Variants in ZNF397 observed in about 807,000 individuals in gnomAD.
ZNF397 encodes zinc finger and SCAN domain-containing protein 15.
A neutral mutation model predicts 50.6 loss-of-function variants in ZNF397; 38 were observed. The ratio of observed to expected loss-of-function variants is 0.75; its 90% CI spans 0.58 to 0.98. The LOEUF (loss-of-function observed/expected upper bound fraction) is 0.98. ZNF397 is among the 50% of genes least tolerant of loss of function. The probability of loss-of-function intolerance (pLI) is 0.00; values close to 1 mark genes in which losing one functional copy is unlikely to be tolerated. For missense variants in ZNF397, 624 were observed against 624.1 expected, an observed-to-expected ratio of 1.00 and a Z score of 0.00; for synonymous variants, 228 against 215.2, an observed-to-expected ratio of 1.06 and a Z score of -0.52.
chr18:35,243,303 G>A lies in ZNF397; in HGVS notation c.556+10G>A, dbSNP rs1339582104. ...CTTTCCCCTAAAAGTGGTGAGGAAT[G>A]GGAAATCATCTGGAAACTCTTGACA... is the stretch of plus-strand genomic sequence containing the variant. On this transcript the variant is annotated intron_variant, in intron 3 of 3. Transcript: ENST00000330501. 4 of 1,614,066 alleles carry A rather than the reference G, an allele frequency of 2.5e-6. No individual in the cohort carries two copies. Among genetic ancestry groups the A allele is most frequent in the East Asian group, 4.5e-5 (2 of 44,896 alleles).
Position 35,246,477 on chromosome 18 carries a change from A to G in ZNF397, c.*167A>G. 7.1e-7 allele frequency: 1 copy of G among 1,414,320 alleles called. No individual in the cohort carries two copies. The highest frequency in any genetic ancestry group is 9.2e-7 in the Non-Finnish European group (1 of 1,087,990). The allele number at this position is 1,414,320 out of a possible 1,614,324, so 87.6% of individuals were successfully genotyped here. ...AGTGCTAATGTAAAGTGTCCCTTGA[A>G]AGCTTTTCCTGTGACTAATCAGAAC... On this transcript the variant is annotated 3_prime_UTR_variant, in exon 4 of 4. Transcript: ENST00000330501.
chr18:35,250,056 G>A (rs1482959133), downstream of ZNF397, among the ~76,000 whole-genome samples: 1 of 152,130 alleles, frequency 6.6e-6, no homozygotes, highest in East Asian at 1.9e-4. Flanking sequence ...TTCATCACTG[G>A]TAAAATGACA....
At position 35,245,860 on chromosome 18, in the gene ZNF397, T is replaced by C. The variant is rs1196932983; in HGVS notation, c.1155T>C (p.Ile385=). 1 of 1,554,332 alleles carries C rather than the reference T, an allele frequency of 6.4e-7. No homozygotes were observed. Among genetic ancestry groups the C allele is most frequent in the Non-Finnish European group, 8.7e-7 (1 of 1,148,530 alleles). The part of the protein sequence containing the change: ...GKAFSQSSYL[I]IHQRIHTGEK... ...CATTCAGTCAAAGTTCATATCTCAT[T>C]ATACATCAAAGAATTCACACTGGTG... The change falls in exon 4 of 4, where the codon ATT becomes ATC. Residue 385 remains isoleucine (I), a synonymous_variant. Transcript: ENST00000330501.
chr18:35,248,102 A>G lies in ZNF397; in HGVS notation c.*1792A>G, dbSNP rs1448704681. Reference sequence around the variant, plus strand: ...AATATTTAGACTGATGCTTAGTGTAAGAAGGAATGTTGTACAGGTTAACCA... The same window carrying G: ...AATATTTAGACTGATGCTTAGTGTAGGAAGGAATGTTGTACAGGTTAACCA... On this transcript the variant is annotated 3_prime_UTR_variant, in exon 4 of 4. Transcript: ENST00000330501. The G allele has an allele frequency of 6.6e-6, 1 of 152,248 alleles. No individual in the cohort carries two copies. The highest frequency in any genetic ancestry group is 1.9e-4 in the East Asian group (1 of 5,200). The allele number at this position is 152,248 out of a possible 1,614,324, so 9.4% of individuals were successfully genotyped here.
chr18:35,253,397 C>T, downstream of ZNF397: 1 of 1,465,354 alleles, frequency 6.8e-7, no homozygotes, highest in East Asian at 2.3e-5. Flanking sequence ...TGGAGTCTCA[C>T]CCCTACAGTG....
At chr18:35,252,250 T>C (rs185977493), downstream of ZNF397, 11 of 152,310 alleles carry the variant, frequency 7.2e-5, no homozygotes, top group Non-Finnish European at 1.3e-4. Flanking sequence ...GACTGGTGCA[T>C]TTTATGGGAA....
Position 35,242,510 on chromosome 18 carries a change from C to T in ZNF397, c.40C>T (p.Gln14Ter). 1 of 1,614,098 alleles carries T rather than the reference C, an allele frequency of 6.2e-7. No individual in the cohort carries two copies. The highest frequency in any genetic ancestry group is 8.5e-7 in the Non-Finnish European group (1 of 1,179,974). ...ESGVISTLIP[Q>*]DPPEQELILV... ...TGGAGTGATTTCAACCCTGATACCT[C>T]AGGATCCTCCGGAACAAGAACTAAT... is the stretch of plus-strand genomic sequence containing the variant. The change falls in exon 2 of 4, where the codon CAG (glutamine) becomes TAG (stop). Residue 14 changes from glutamine (Q) to a stop codon, truncating the protein, a stop_gained. Coordinates refer to ENST00000330501, the MANE Select transcript of ZNF397 (RefSeq NM_001135178.3). LOFTEE classifies it high-confidence loss of function.
At chr18:35,254,088 T>C, downstream of ZNF397, 1 of 1,614,122 alleles carries the variant, frequency 6.2e-7, no homozygotes, top group Non-Finnish European at 8.5e-7. Flanking sequence ...GAATTCATAC[T>C]GAAACTTCCT....
downstream of ZNF397, chr18:35,253,759 C>A: frequency 6.2e-7 from 1 of 1,613,568 alleles, no homozygotes; most frequent in South Asian, 1.1e-5. Flanking sequence ...GGCTGAAGGC[C>A]TTCCCACATT....
intron 2 of ZNF397, 121 bp from the exon 3 acceptor site, chr18:35,243,031 A>G (rs1598579048): frequency 3.3e-6 from 5 of 1,514,634 alleles, no homozygotes; most frequent in Non-Finnish European, 4.5e-6. Context: ...ATACCCTTGA[A>G]TGGTCTTTTT....
At position 35,247,110 on chromosome 18, in the gene ZNF397, CAA is replaced by C; in HGVS notation, c.*802_*803del. 1 of 985,532 alleles carries C rather than the reference CAA, an allele frequency of 1.0e-6. No homozygotes were observed. Among genetic ancestry groups the C allele is most frequent in the Non-Finnish European group, 1.2e-6 (1 of 830,022 alleles). 61.0% of individuals were successfully genotyped at this position (985,532 alleles called of 1,614,324 possible). On this transcript the variant is annotated 3_prime_UTR_variant, in exon 4 of 4. Coordinates refer to ENST00000330501, the MANE Select transcript of ZNF397 (RefSeq NM_001135178.3). The stretch of plus-strand genomic sequence containing the variant: ...AAGAACAGTAGCCAAAGGCCAGAAA[CAA>C]AGTGTGGAGCATTCCTTGAGTTCCT...
downstream of ZNF397, chr18:35,253,656 T>C (rs527992271): frequency 9.3e-6 from 15 of 1,614,078 alleles, no homozygotes; most frequent in African/African-American, 8.0e-5. Flanking sequence ...TCAATAAGGA[T>C]AGAACTCCTA....
Position 35,248,709 on chromosome 18 carries a change from G to C in ZNF397, c.*2399G>C, listed in dbSNP as rs1208200212. On this transcript the variant is annotated 3_prime_UTR_variant, in exon 4 of 4. Transcript: ENST00000330501. ...TAAACAGAATTTGCCAGACGTGGTA[G>C]TGCATGCCTGTAGACCCAAGTATTT... The C allele has an allele frequency of 6.6e-6, 1 of 152,104 alleles. No homozygotes were observed. The highest frequency in any genetic ancestry group is 1.5e-5 in the Non-Finnish European group (1 of 68,052). 9.4% of individuals were successfully genotyped at this position (152,104 alleles called of 1,614,324 possible). A position where few individuals can be genotyped will look rare whatever the true frequency, so the allele number is the denominator to read the frequency against.
At chr18:35,253,703 T>G (rs1026731795), downstream of ZNF397, 1 of 1,614,146 alleles carries the variant, frequency 6.2e-7, no homozygotes, top group African/African-American at 1.3e-5. Context: ...TTCATAGCTT[T>G]TATCTCCAGT....
chr18:35,257,697 G>GCCT (rs796374094), intron 5 of ZNF397, among the ~76,000 whole-genome samples: 6 of 152,278 alleles, frequency 3.9e-5, no homozygotes, highest in African/African-American at 1.4e-4. Flanking sequence ...ATACAGAGAT[G>GCCT]CCTCCTTCTG....
Position 35,245,461 on chromosome 18 carries a change from T to C in ZNF397, c.756T>C (p.Ser252=), listed in dbSNP as rs2043460919. The C allele has an allele frequency of 6.4e-7, 1 of 1,553,988 alleles. No homozygotes were observed. Among genetic ancestry groups the C allele is most frequent in the Non-Finnish European group, 8.7e-7 (1 of 1,148,092 alleles). The change falls in exon 4 of 4, where the codon TCT becomes TCC. Residue 252 remains serine, a synonymous_variant. Transcript: ENST00000330501. ...SFSQVIFTNK[S]LGKRDLYDEA... ...GTCAAGTGATCTTCACAAACAAATC[T>C]CTAGGAAAGAGAGACCTTTATGATG...
At chr18:35,254,967 G>A (rs535960974) in intron 5 of ZNF397, 1 of 154,206 alleles carries the variant, frequency 6.5e-6, no homozygotes, top group Non-Finnish European at 1.5e-5. Flanking sequence ...CAGACCCAGA[G>A]AAAAGAAATA....
At chr18:35,254,260 A>T (rs1226186952), downstream of ZNF397, 4 of 1,613,990 alleles carry the variant, frequency 2.5e-6, no homozygotes, top group Non-Finnish European at 3.4e-6. Flanking sequence ...AAGCTTCTTC[A>T]GCTATCCGTT....
rs772243479 is a variant in ZNF397 at position 35,245,840 on chromosome 18, A to G, written c.1135A>G (p.Ser379Gly). The G allele has an allele frequency of 2.6e-6, 4 of 1,552,710 alleles. No individual in the cohort carries two copies. The highest frequency in any genetic ancestry group is 2.6e-6 in the Non-Finnish European group (3 of 1,147,530). ...ATGTAATGAGTGTGGCAAAGCATTC[A>G]GTCAAAGTTCATATCTCATTATACA... ...CKCNECGKAF[S>G]QSSYLIIHQR... Residue 379 changes from serine (S) to glycine (G), a missense_variant, in exon 4 of 4, where the codon AGT (serine) becomes GGT (glycine). Ser to Gly is a moderately conservative substitution (Grantham distance 56, BLOSUM62 0). Transcript: ENST00000330501.
Sources: allele counts gnomAD v4.1 joint callset (sites outside exome capture counted in the v4.1 genomes callset), GRCh38; gene constraint gnomAD v4.1.1; transcripts MANE v1.5; gene names NCBI Gene and HGNC (gene_info 2026-07-23, HGNC 2026-07-21).